Variants in C4orf36 observed in about 807,000 individuals in gnomAD.
C4orf36 encodes uncharacterized protein C4orf36.
In C4orf36, 11 loss-of-function variants were observed where a neutral mutation model predicts 12.2. The ratio of observed to expected loss-of-function variants is 0.90; its 90% CI spans 0.57 to 1.49. C4orf36 has a LOEUF of 1.49. C4orf36 is among the 40% of genes most tolerant of loss of function. The pLI is 0.00. For missense variants in C4orf36, 137 were observed against 133.9 expected (o/e 1.02, Z -0.11); for synonymous variants, 54 against 51.3 (o/e 1.05, Z -0.22).
the C4orf36 span, among the ~76,000 whole-genome samples, chr4:86,930,224 C>T: frequency 6.6e-6 from 1 of 152,220 alleles, no homozygotes; most frequent in Non-Finnish European, 1.5e-5. Context: ...TCCTTTTCCT[C>T]TTCTTATTTA....
the C4orf36 span, among the ~76,000 whole-genome samples, chr4:86,932,032 C>G: frequency 1.3e-5 from 1 of 79,680 alleles, no homozygotes; most frequent in African/African-American, 4.1e-5. Flanking sequence ...GAGACTCTGT[C>G]TCAAAAAGAA....
chr4:86,876,235 T>G lies in C4orf36; in HGVS notation c.*211A>C. 2.1e-6 allele frequency: 1 copy of G among 486,096 alleles called. No homozygotes were observed. The highest frequency in any genetic ancestry group is 6.1e-5 in the South Asian group (1 of 16,440). 30.1% of individuals were successfully genotyped at this position (486,096 alleles called of 1,614,324 possible). The stretch of plus-strand genomic sequence containing the variant: ...TAAAATACATTTATAACTGGCAATG[T>G]TTAAAAAGAGAAACAAACTGAGTTC... On this transcript the variant is annotated 3_prime_UTR_variant, in exon 5 of 5. Coordinates refer to ENST00000295898, the MANE Select transcript of C4orf36 (RefSeq NM_144645.4).
chr4:86,879,961 C>T lies in C4orf36; in HGVS notation c.*3-3518G>A, dbSNP rs150282978. ...GAACTCCTGGGCTCAAGCAATCCTC[C>T]TGCCTCAGCCTCTGGAGTAACTGTG... On this transcript the variant is annotated intron_variant, in intron 4 of 4. Transcript: ENST00000295898. Among the ~76,000 whole-genome samples, 620 of 151,956 alleles carry T rather than the reference C, an allele frequency of 4.1e-3. 3 individuals are homozygous for T. The highest frequency in any genetic ancestry group is 0.014 in the African/African-American group (587 of 41,448).
At chr4:86,906,686 G>T in the C4orf36 span, among the ~76,000 whole-genome samples, 3 of 128,448 alleles carry the variant, frequency 2.3e-5, no homozygotes, top group African/African-American at 9.0e-5. Context: ...AGTTGAGATC[G>T]CATCGCTACA....
chr4:86,909,252 A>C, the C4orf36 span, among the ~76,000 whole-genome samples: 3 of 152,228 alleles, frequency 2.0e-5, no homozygotes, highest in South Asian at 6.2e-4. Flanking sequence ...AGAAGTGATG[A>C]AAGAGAATTC....
chr4:86,884,180 T>G (rs1747112890), intron 4 of C4orf36, among the ~76,000 whole-genome samples: 1 of 152,170 alleles, frequency 6.6e-6, no homozygotes, highest in South Asian at 2.1e-4. Context: ...CACTCTGTGT[T>G]TTCCTCATAA....
chr4:86,921,065 T>C, the C4orf36 span, among the ~76,000 whole-genome samples: 7 of 151,518 alleles, frequency 4.6e-5, no homozygotes, highest in Admixed American at 4.0e-4. Context: ...CTCCAGAGGC[T>C]GAGGCAGGAT....
At chr4:86,888,084 A>C (rs949204508) in intron 3 of C4orf36, 37 bp downstream of exon 3, 1 of 1,600,174 alleles carries the variant, frequency 6.2e-7, no homozygotes. Context: ...GGCACACTGA[A>C]TTTATAACTT....
At chr4:86,934,829 A>C in the C4orf36 span, 1 of 151,960 alleles carries the variant, frequency 6.6e-6, no homozygotes, top group South Asian at 2.1e-4. Context: ...CCGCTCCCCC[A>C]CGATCCTCCC....
At chr4:86,909,939 G>A in the C4orf36 span, among the ~76,000 whole-genome samples, 24,942 of 147,554 alleles carry the variant, frequency 0.17, 2,263 homozygotes, top group East Asian at 0.28. Context: ...TAAAAATAGC[G>A]GAACTTCTAG....
At chr4:86,927,263 A>T in the C4orf36 span, among the ~76,000 whole-genome samples, 2 of 152,342 alleles carry the variant, frequency 1.3e-5, no homozygotes, top group South Asian at 4.1e-4. Flanking sequence ...CATGTGTGTA[A>T]TCTCAGCACT....
the C4orf36 span, chr4:86,913,555 G>A: frequency 9.5e-7 from 1 of 1,052,318 alleles, no homozygotes. Flanking sequence ...AGAGCGTTGG[G>A]CAGCAGTCAT....
the C4orf36 span, among the ~76,000 whole-genome samples, chr4:86,907,148 G>A: frequency 6.6e-6 from 1 of 152,194 alleles, no homozygotes; most frequent in Non-Finnish European, 1.5e-5. Context: ...ATTTCTCCAA[G>A]AGTGGCCCAG....
chr4:86,924,158 A>C, the C4orf36 span, among the ~76,000 whole-genome samples: 1 of 152,098 alleles, frequency 6.6e-6, no homozygotes, highest in Non-Finnish European at 1.5e-5. Flanking sequence ...CTCCAACCTA[A>C]GCCTCCCAAG....
the C4orf36 span, among the ~76,000 whole-genome samples, chr4:86,911,171 A>ACATTT: frequency 7.9e-5 from 12 of 152,316 alleles, no homozygotes; most frequent in East Asian, 2.3e-3. Flanking sequence ...ATGCAGAGAA[A>ACATTT]CAGAACAGCT....
the C4orf36 span, among the ~76,000 whole-genome samples, chr4:86,905,448 G>C: frequency 2.6e-5 from 4 of 152,148 alleles, no homozygotes; most frequent in Non-Finnish European, 5.9e-5. Flanking sequence ...AGGTACTTGG[G>C]AGGCTGAGGT....
At chr4:86,905,011 G>A in the C4orf36 span, among the ~76,000 whole-genome samples, 5 of 152,056 alleles carry the variant, frequency 3.3e-5, no homozygotes, top group African/African-American at 9.7e-5. Context: ...TGAGGTGGGC[G>A]GATGGCTTGA....
chr4:86,892,826 A>G (rs1051293041), upstream of C4orf36, among the ~76,000 whole-genome samples: 1 of 152,174 alleles, frequency 6.6e-6, no homozygotes, highest in Non-Finnish European at 1.5e-5. Context: ...GACAGCATCA[A>G]TTTCTAAAGC....
rs897641670 is a variant in C4orf36 at position 86,892,336 on chromosome 4, T to C, written c.-227A>G. 2 of 985,342 alleles carry C rather than the reference T, an allele frequency of 2.0e-6. No homozygotes were observed. The highest frequency in any genetic ancestry group is 6.1e-5 in the Admixed American group (1 of 16,266). 61.0% of individuals were successfully genotyped at this position (985,342 alleles called of 1,614,324 possible). A position where few individuals can be genotyped will look rare whatever the true frequency, so the allele number is the denominator to read the frequency against. On this transcript the variant is annotated 5_prime_UTR_variant, in exon 1 of 5. Coordinates refer to ENST00000295898, the MANE Select transcript of C4orf36 (RefSeq NM_144645.4). ...CCGGGGTACTGAGGTAAGAGCGCGCTGCGCTAAGCGCACATGGCCGCGCAC... is the reference window on the plus strand; with the variant it reads ...CCGGGGTACTGAGGTAAGAGCGCGCCGCGCTAAGCGCACATGGCCGCGCAC...
Sources: allele counts gnomAD v4.1 joint callset (sites outside exome capture counted in the v4.1 genomes callset), GRCh38; gene constraint gnomAD v4.1.1; transcripts MANE v1.5; gene names NCBI Gene and HGNC (gene_info 2026-07-23, HGNC 2026-07-21).